The following MNAT1 variants were observed in gnomAD, a reference collection of about 807,000 sequenced individuals.
MNAT1 encodes the protein MNAT1 component of CDK activating kinase, also known as CDK-activating kinase assembly factor MAT1.
In MNAT1, 43 loss-of-function variants were observed where a neutral mutation model predicts 42.0. That is an observed-to-expected ratio of 1.02 (90% CI 0.80 to 1.32). The LOEUF (loss-of-function observed/expected upper bound fraction) is 1.32, where lower values mean the gene tolerates loss of function less well. Among genes scored for constraint, MNAT1 ranks in the 40% most tolerant of loss-of-function variants. The pLI, the probability that MNAT1 is intolerant of heterozygous loss-of-function variation, is 0.00. For missense variants in MNAT1, 306 were observed against 350.4 expected, an observed-to-expected ratio of 0.87 and a Z score of 1.01; for synonymous variants, 118 against 120.0, an observed-to-expected ratio of 0.98 and a Z score of 0.11.
At chr14:60,893,091 C>CT (rs1416469338) in intron 7 of MNAT1, among the ~76,000 whole-genome samples, 1 of 151,872 alleles carries the variant, frequency 6.6e-6, no homozygotes, top group Non-Finnish European at 1.5e-5. Flanking sequence ...TTTTGATTAT[C>CT]TTTTTTACTT....
intron 1 of MNAT1, among the ~76,000 whole-genome samples, chr14:60,766,987 A>C (rs908696454): frequency 1.3e-5 from 2 of 152,224 alleles, no homozygotes; most frequent in African/African-American, 4.8e-5. Context: ...ACAATTCAAT[A>C]ATAAAAACTA....
intron 7 of MNAT1, among the ~76,000 whole-genome samples, chr14:60,936,905 A>C (rs1325569982): frequency 6.6e-6 from 1 of 152,064 alleles, no homozygotes; most frequent in African/African-American, 2.4e-5. Flanking sequence ...CTGACTTTTT[A>C]ATGATCACCA....
intron 7 of MNAT1, among the ~76,000 whole-genome samples, chr14:60,895,589 T>C (rs2034938367): frequency 6.6e-6 from 1 of 152,232 alleles, no homozygotes; most frequent in African/African-American, 2.4e-5. Context: ...TATTCTGTTT[T>C]CCTACAAAGG....
intron 1 of MNAT1, 93 bp from the exon 2 acceptor site, chr14:60,796,124 C>T: frequency 9.2e-7 from 1 of 1,090,098 alleles, no homozygotes. Context: ...GTTTTCAAGT[C>T]TCACTCTCCT....
chr14:60,833,410 G>T (rs1436758708), intron 6 of MNAT1, among the ~76,000 whole-genome samples: 3 of 152,106 alleles, frequency 2.0e-5, no homozygotes, highest in Non-Finnish European at 4.4e-5. Flanking sequence ...TTTGTTGAAG[G>T]CCTTTTCTGC....
intron 4 of MNAT1, chr14:60,808,666 TAAG>T (rs758236910): frequency 3.7e-5 from 9 of 242,256 alleles, no homozygotes; most frequent in Non-Finnish European, 6.5e-5. Context: ...AGTGGATCCG[TAAG>T]ATAGGTGATT....
rs531402826 is a variant in MNAT1 at position 60,934,180 on chromosome 14, T to C, written c.810-34049T>C. Among the ~76,000 whole-genome samples, 5 of 152,372 alleles carry C rather than the reference T, an allele frequency of 3.3e-5. No individual in the cohort carries two copies. The East Asian group carries it at 5.8e-4, about 18-fold the overall frequency. ...CAAGTGTTCTTCCAAGAGCAACTTA[T>C]CTGAGTTACTGCCGTCCTAAAGAAT... On this transcript the variant is annotated intron_variant, in intron 7 of 7. Coordinates refer to ENST00000261245, the MANE Select transcript of MNAT1 (RefSeq NM_002431.4).
intron 6 of MNAT1, among the ~76,000 whole-genome samples, chr14:60,840,819 A>G (rs1434730073): frequency 6.6e-6 from 1 of 152,062 alleles, no homozygotes; most frequent in East Asian, 1.9e-4. Context: ...ATGTGCCACC[A>G]TACCCGGCTA....
chr14:60,886,395 A>G (rs372380754), intron 7 of MNAT1, among the ~76,000 whole-genome samples: 14 of 151,948 alleles, frequency 9.2e-5, no homozygotes, highest in Admixed American at 5.2e-4. Flanking sequence ...GTTGCCGTTT[A>G]TTTATGTTGT....
intron 6 of MNAT1, among the ~76,000 whole-genome samples, chr14:60,824,136 G>A (rs1319869198): frequency 6.6e-6 from 1 of 151,972 alleles, no homozygotes; most frequent in African/African-American, 2.4e-5. Flanking sequence ...CAGCCTGGGC[G>A]ACAGAGTGAG....
At chr14:60,794,660 A>AAATATATATAT (rs1555375163) in intron 1 of MNAT1, among the ~76,000 whole-genome samples, 3 of 28,632 alleles carry the variant, frequency 1.0e-4, no homozygotes, top group African/African-American at 4.3e-4. Flanking sequence ...AAAAAAAAAA[A>AAATATATATAT]ATATATATAT....
At chr14:60,784,622 G>C (rs1243339196) in intron 1 of MNAT1, among the ~76,000 whole-genome samples, 1 of 151,278 alleles carries the variant, frequency 6.6e-6, no homozygotes, top group African/African-American at 2.4e-5. Flanking sequence ...ACAGTTGCCC[G>C]CCACTGTGCC....
intron 1 of MNAT1, among the ~76,000 whole-genome samples, chr14:60,793,045 G>C (rs548275519): frequency 3.3e-5 from 5 of 151,164 alleles, no homozygotes; most frequent in African/African-American, 4.9e-5. Flanking sequence ...TTGAAACAGG[G>C]TCTTGCTCTG....
intron 6 of MNAT1, among the ~76,000 whole-genome samples, chr14:60,832,171 C>G (rs2139385158): frequency 6.6e-6 from 1 of 152,278 alleles, no homozygotes; most frequent in East Asian, 1.9e-4. Flanking sequence ...TGTGCAGAAG[C>G]TCTTTAGTTT....
chr14:60,834,222 T>C (rs994689010), intron 6 of MNAT1, among the ~76,000 whole-genome samples: 1 of 152,150 alleles, frequency 6.6e-6, no homozygotes, highest in Non-Finnish European at 1.5e-5. Flanking sequence ...AGCTTTTGAA[T>C]TTCTTTGGTC....
At chr14:60,820,688 A>G (rs891428192) in intron 6 of MNAT1, among the ~76,000 whole-genome samples, 1 of 152,126 alleles carries the variant, frequency 6.6e-6, no homozygotes, top group African/African-American at 2.4e-5. Context: ...TCTTTAGTGG[A>G]CTATCACAGT....
intron 7 of MNAT1, among the ~76,000 whole-genome samples, chr14:60,964,747 C>A (rs539844498): frequency 6.6e-6 from 1 of 152,214 alleles, no homozygotes; most frequent in African/African-American, 2.4e-5. Flanking sequence ...CTGACTTCTG[C>A]CAGAAACCCC....
chr14:60,765,021 CG>C (rs774000386), intron 1 of MNAT1, among the ~76,000 whole-genome samples: 6 of 152,112 alleles, frequency 3.9e-5, no homozygotes, highest in Non-Finnish European at 8.8e-5. Flanking sequence ...GAGGCTGAGG[CG>C]GGTGGATCAC....
At chr14:60,757,660 T>C (rs2030416261) in intron 1 of MNAT1, among the ~76,000 whole-genome samples, 1 of 152,292 alleles carries the variant, frequency 6.6e-6, no homozygotes, top group African/African-American at 2.4e-5. Context: ...TCCAAATTTT[T>C]ACCCCTGTGG....
Sources: gnomAD v4.1 joint callset for allele counts (sites outside exome capture counted in the v4.1 genomes callset) on GRCh38, gnomAD v4.1.1 for gene constraint, MANE v1.5 for transcripts, NCBI Gene and HGNC (gene_info 2026-07-23, HGNC 2026-07-21) for gene names.